GRIA1: variants seen among roughly 807,000 people sequenced by gnomAD.
GRIA1 encodes the protein glutamate receptor 1.
GRIA1 carries 31 observed loss-of-function variants against 99.2 expected under a neutral mutation model. The observed-to-expected ratio is 0.31, with a 90% CI of 0.23 to 0.42. The LOEUF is 0.42. Among genes scored for constraint, GRIA1 ranks in the 10% least tolerant of loss-of-function variants. GRIA1 has a pLI of 1.00. For missense variants in GRIA1, 782 were observed against 1,157.5 expected (o/e 0.68, Z 4.71); for synonymous variants, 438 against 432.4 (o/e 1.01, Z -0.16).
intron 5 of GRIA1, among the ~76,000 whole-genome samples, chr5:153,660,048 A>AT (rs1438394910): frequency 6.6e-6 from 1 of 152,158 alleles, no homozygotes; most frequent in African/African-American, 2.4e-5. Context: ...CATCATCCCC[A>AT]TTTTACAGAT....
At chr5:153,786,260 T>C (rs1764956766) in intron 13 of GRIA1, among the ~76,000 whole-genome samples, 1 of 152,096 alleles carries the variant, frequency 6.6e-6, no homozygotes. Context: ...ATTAGGACTC[T>C]GTCAGCTGTT....
In GRIA1 at chr5:153,527,703, A is replaced by G. The variant is rs72800740; in HGVS notation, c.220+33638A>G. 3.6e-3 allele frequency among the ~76,000 whole-genome samples: 545 copies of G among 152,328 alleles called. 2 individuals carry two copies. Among genetic ancestry groups the G allele is most frequent in the Admixed American group, 5.4e-3 (83 of 15,302 alleles). On this transcript the variant is annotated intron_variant, in intron 2 of 15. Transcript: ENST00000285900. ...GCACTGGACATCAGAAATATTCCAAAAAGTGTAGTTTCACAATGTTCACTT... is the reference window on the plus strand; with the variant it reads ...GCACTGGACATCAGAAATATTCCAAGAAGTGTAGTTTCACAATGTTCACTT...
intron 2 of GRIA1, among the ~76,000 whole-genome samples, chr5:153,616,787 A>C (rs1202981872): frequency 1.3e-5 from 2 of 152,228 alleles, no homozygotes; most frequent in Non-Finnish European, 2.9e-5. Context: ...GGAAAAGTTG[A>C]GTTGGAGGCC....
At chr5:153,495,151 T>C (rs1195214499) in intron 2 of GRIA1, among the ~76,000 whole-genome samples, 1 of 152,244 alleles carries the variant, frequency 6.6e-6, no homozygotes, top group African/African-American at 2.4e-5. Flanking sequence ...TTCCAAGAAC[T>C]ATAATTATAG....
intron 2 of GRIA1, among the ~76,000 whole-genome samples, chr5:153,612,922 A>G (rs571708618): frequency 4.9e-5 from 7 of 142,388 alleles, no homozygotes; most frequent in South Asian, 2.2e-4. Context: ...ACTCAGCTGG[A>G]AAAAAAAAAA....
intron 11 of GRIA1, among the ~76,000 whole-genome samples, chr5:153,746,814 G>C (rs2149584180): frequency 6.6e-6 from 1 of 152,324 alleles, no homozygotes; most frequent in East Asian, 1.9e-4. Flanking sequence ...TAACAAGAGT[G>C]TGTTGCCAAA....
At chr5:153,788,743 C>G (rs1049498521) in intron 13 of GRIA1, among the ~76,000 whole-genome samples, 18 of 152,168 alleles carry the variant, frequency 1.2e-4, no homozygotes, top group Admixed American at 2.0e-4. Context: ...TAGTACATAC[C>G]TAGGACCTCT....
In GRIA1 at chr5:153,813,259, C is replaced by G. The variant is rs992908904; in HGVS notation, c.*2034C>G. On this transcript the variant is annotated 3_prime_UTR_variant, in exon 16 of 16. Coordinates refer to ENST00000285900, the MANE Select transcript of GRIA1 (RefSeq NM_000827.4). Reference sequence around the variant, plus strand: ...TGCCCTCATACAAGATTTTTCTCAGCCTTCAGCCTACCACTGCAGAATCCG... The same window carrying G: ...TGCCCTCATACAAGATTTTTCTCAGGCTTCAGCCTACCACTGCAGAATCCG... 3 of 152,360 alleles carry G rather than the reference C, an allele frequency of 2.0e-5. No individual in the cohort carries two copies. Among genetic ancestry groups the G allele is most frequent in the Admixed American group, 1.3e-4 (2 of 15,310 alleles). The allele number at this position is 152,360 out of a possible 1,614,324, so 9.4% of individuals were successfully genotyped here.
At chr5:153,559,709 A>G (rs1760954118) in intron 2 of GRIA1, among the ~76,000 whole-genome samples, 1 of 152,196 alleles carries the variant, frequency 6.6e-6, no homozygotes, top group Non-Finnish European at 1.5e-5. Flanking sequence ...AGATATTACT[A>G]GACAATAGGA....
chr5:153,607,580 T>C (rs1249592057), intron 2 of GRIA1, among the ~76,000 whole-genome samples: 1 of 152,004 alleles, frequency 6.6e-6, no homozygotes, highest in Non-Finnish European at 1.5e-5. Context: ...TGTATTAATT[T>C]GAATATTAGG....
intron 11 of GRIA1, among the ~76,000 whole-genome samples, chr5:153,749,489 A>C (rs1762372415): frequency 6.6e-6 from 1 of 152,132 alleles, no homozygotes; most frequent in Non-Finnish European, 1.5e-5. Context: ...GAGGAAGGCA[A>C]GGGGGAGCTG....
rs1331477636 is a variant in GRIA1, at chr5:153,813,603, C to T, written c.*2378C>T. ...TTAAAAATAGAGCATTGGGAAAACT[C>T]TGAAAGAGACTGACATTTTTCTCAA... On this transcript the variant is annotated 3_prime_UTR_variant, in exon 16 of 16. Coordinates refer to ENST00000285900, the MANE Select transcript of GRIA1 (RefSeq NM_000827.4). 6.6e-6 allele frequency: 1 copy of T among 152,192 alleles called. No homozygotes were observed. Among genetic ancestry groups the T allele is most frequent in the East Asian group, 1.9e-4 (1 of 5,198 alleles). The allele number at this position is 152,192 out of a possible 1,614,324, so 9.4% of individuals were successfully genotyped here.
chr5:153,794,277 C>T (rs1201678988), intron 13 of GRIA1, among the ~76,000 whole-genome samples: 27 of 151,854 alleles, frequency 1.8e-4, no homozygotes, highest in Non-Finnish European at 2.1e-4. Context: ...TTCATTCAGG[C>T]TGTATTAAAG....
At chr5:153,665,492 A>G (rs1362265058) in intron 5 of GRIA1, among the ~76,000 whole-genome samples, 1 of 152,214 alleles carries the variant, frequency 6.6e-6, no homozygotes, top group African/African-American at 2.4e-5. Flanking sequence ...TTATATAGGG[A>G]GAGGACACCT....
chr5:153,523,808 AT>A (rs553755571), intron 2 of GRIA1, among the ~76,000 whole-genome samples: 129 of 152,332 alleles, frequency 8.5e-4, no homozygotes, highest in Admixed American at 1.8e-3. Context: ...CTGGCAAATA[AT>A]AGTCAGCTCA....
chr5:153,659,570 CA>C (rs1265229011), intron 5 of GRIA1, among the ~76,000 whole-genome samples: 1 of 152,322 alleles, frequency 6.6e-6, no homozygotes. Flanking sequence ...TCACCAGAAG[CA>C]AATCTTAGAC....
intron 2 of GRIA1, among the ~76,000 whole-genome samples, chr5:153,577,888 C>T (rs1026288521): frequency 1.2e-4 from 18 of 151,924 alleles, no homozygotes; most frequent in Admixed American, 2.6e-4. Context: ...CAGTGGCTCG[C>T]GCCTGTAATC....
chr5:153,641,447 A>G (rs562564501), intron 2 of GRIA1, among the ~76,000 whole-genome samples: 49 of 152,294 alleles, frequency 3.2e-4, no homozygotes, highest in African/African-American at 1.1e-3. Flanking sequence ...AGAATTGGAC[A>G]GCCCACGCCA....
At chr5:153,772,186 C>A (rs867161925) in intron 13 of GRIA1, among the ~76,000 whole-genome samples, 4 of 151,728 alleles carry the variant, frequency 2.6e-5, no homozygotes, top group Non-Finnish European at 4.4e-5. Flanking sequence ...GATCTCAAAG[C>A]ACCCAGATAT....
Sources: gnomAD v4.1 joint callset for allele counts (sites outside exome capture counted in the v4.1 genomes callset) on GRCh38, gnomAD v4.1.1 for gene constraint, MANE v1.5 for transcripts, NCBI Gene and HGNC (gene_info 2026-07-23, HGNC 2026-07-21) for gene names.